Variants in ANAPC4 observed in about 807,000 individuals in gnomAD.
The protein encoded by ANAPC4 is anaphase-promoting complex subunit 4.
ANAPC4 carries 63 observed loss-of-function variants against 119.8 expected under a neutral mutation model. That is an observed-to-expected ratio of 0.53 (90% CI 0.43 to 0.65). ANAPC4 has a LOEUF of 0.65. Ranked by LOEUF, ANAPC4 falls within the 30% of genes least tolerant of loss-of-function variation. The probability of loss-of-function intolerance (pLI) is 0.00; values close to 1 mark genes in which losing one functional copy is unlikely to be tolerated. For synonymous variants in ANAPC4, 283 were observed against 318.6 expected, an observed-to-expected ratio of 0.89 and a Z score of 1.19; for missense variants, 716 against 945.1, an observed-to-expected ratio of 0.76 and a Z score of 3.18.
chr4:25,413,125 T>TAA (rs34186805), intron 21 of ANAPC4: 61,425 of 150,298 alleles, frequency 0.41, 14,464 homozygotes, highest in Non-Finnish European at 0.53. Context: ...TTGTAAGCAA[T>TAA]AAAAAAAAAG....
chr4:25,413,550 C>T (rs1723694484), intron 21 of ANAPC4, 95 bp from the exon 22 acceptor site: 1 of 748,272 alleles, frequency 1.3e-6, no homozygotes, highest in East Asian at 3.5e-5. Context: ...TCGAGATAAA[C>T]TGTGCAGACT....
In ANAPC4 at chr4:25,383,279, C is replaced by T. The variant is rs374830999; in HGVS notation, c.254C>T (p.Ala85Val). The T allele has an allele frequency of 1.3e-5, 21 of 1,607,950 alleles. No individual in the cohort carries two copies. Among genetic ancestry groups the T allele is most frequent in the Non-Finnish European group, 1.6e-5 (19 of 1,177,986 alleles). ...PDGKLLAFAL[A>V]DTKKIVLCDV... ...GTTTTAGTTTTGGCCTTTGCTCTTG[C>T]TGATACCAAGAAAATTGTTTTGTGT... Residue 85 changes from alanine (A) to valine (V), a missense_variant, in exon 4 of 29, where the codon GCT (alanine) becomes GTT (valine). Coordinates refer to ENST00000315368, the MANE Select transcript of ANAPC4 (RefSeq NM_013367.3).
At position 25,413,632 on chromosome 4, in the gene ANAPC4, T is replaced by G; in HGVS notation, c.1526-13T>G. The G allele has an allele frequency of 6.3e-7, 1 of 1,589,484 alleles. No individual in the cohort carries two copies. Among genetic ancestry groups the G allele is most frequent in the Non-Finnish European group, 8.6e-7 (1 of 1,166,096 alleles). On this transcript the variant is annotated splice_polypyrimidine_tract_variant and intron_variant, in intron 21 of 28. Transcript: ENST00000315368. ...CTTCTTTTATTTTTGTTTCTGTTTT[T>G]GTTTGAAACCAGAAAGTCCTTTGCT...
At chr4:25,413,541 C>A in intron 21 of ANAPC4, 104 bp from the exon 22 acceptor site, 1 of 762,450 alleles carries the variant, frequency 1.3e-6, no homozygotes, top group Admixed American at 3.1e-5. Flanking sequence ...AATTCTACCT[C>A]GAGATAAACT....
chr4:25,400,493 T>TG (rs1452416865), intron 16 of ANAPC4, among the ~76,000 whole-genome samples: 1 of 152,014 alleles, frequency 6.6e-6, no homozygotes, highest in Non-Finnish European at 1.5e-5. Flanking sequence ...GAGGCGGTGT[T>TG]GGAGGTTTAA....
Position 25,416,472 on chromosome 4 carries a change from C to T in ANAPC4, c.1949C>T (p.Thr650Ile), listed in dbSNP as rs1723883266. The T allele has an allele frequency of 6.3e-7, 1 of 1,595,138 alleles. No homozygotes were observed. Among genetic ancestry groups the T allele is most frequent in the East Asian group, 2.2e-5 (1 of 44,630 alleles). Residue 650 changes from threonine (T) to isoleucine (I), a missense_variant, in exon 27 of 29, where the codon ACA becomes ATA. By Grantham distance (89) the Thr-to-Ile change is moderately conservative. This residue lies in a region of ANAPC4 where 504 missense variants were observed against 615.8 expected (regional missense o/e 0.82). Transcript: ENST00000315368. ...CAGTTTTATGATGATGAAACTGTAA[C>T]AGTAGTTCTTAAAGACACTGTAGGA... ...DAQFYDDETV[T>I]VVLKDTVGRE...
intron 9 of ANAPC4, among the ~76,000 whole-genome samples, chr4:25,391,467 A>G (rs1722342314): frequency 6.6e-6 from 1 of 152,350 alleles, no homozygotes; most frequent in East Asian, 1.9e-4. Context: ...AATACTTCAG[A>G]ACTTGCTTGA....
At chr4:25,409,844 G>A (rs1250142499) in intron 21 of ANAPC4, 53 bp downstream of exon 21, 2 of 1,263,676 alleles carry the variant, frequency 1.6e-6, no homozygotes, top group African/African-American at 1.5e-5. Context: ...TTTAAGACTA[G>A]GTCTTGAATA....
Position 25,407,258 on chromosome 4 carries a change from G to A in ANAPC4, c.1431+5G>A. 6.2e-7 allele frequency: 1 copy of A among 1,604,492 alleles called. No individual in the cohort carries two copies. The highest frequency in any genetic ancestry group is 8.5e-7 in the Non-Finnish European group (1 of 1,176,556). On this transcript the variant is annotated splice_donor_5th_base_variant and intron_variant, in intron 20 of 28. Coordinates refer to ENST00000315368, the MANE Select transcript of ANAPC4 (RefSeq NM_013367.3). Reference sequence around the variant, plus strand: ...AACGTTGAAAGAGTTGGTCAGGTATGGGCTTTGAACTCATTTTAAAACCTT... The same window carrying A: ...AACGTTGAAAGAGTTGGTCAGGTATAGGCTTTGAACTCATTTTAAAACCTT...
chr4:25,378,993 G>T (rs1291394043), intron 2 of ANAPC4, among the ~76,000 whole-genome samples: 1 of 152,180 alleles, frequency 6.6e-6, no homozygotes, highest in African/African-American at 2.4e-5. Context: ...GGAAGTGAAG[G>T]CATGTGTGGG....
Position 25,405,664 on chromosome 4 carries a change from T to C in ANAPC4, c.1317+45T>C, listed in dbSNP as rs1177673375. On this transcript the variant is annotated intron_variant, in intron 18 of 28. Coordinates refer to ENST00000315368, the MANE Select transcript of ANAPC4 (RefSeq NM_013367.3). This position sits in a 1 kb window ranked among gnomAD's most constrained non-coding sequence, Gnocchi z 4.6. ...TTTCACAGTGTTCACATTGTCCTGC[T>C]TGAACTCAGCTGTGCTGGTCATTTT... The C allele has an allele frequency of 6.3e-7, 1 of 1,589,224 alleles. No individual in the cohort carries two copies. The highest frequency in any genetic ancestry group is 1.7e-5 in the Admixed American group (1 of 59,784).
chr4:25,390,329 GA>G, intron 8 of ANAPC4, 109 bp downstream of exon 8: 1 of 696,888 alleles, frequency 1.4e-6, no homozygotes, highest in Non-Finnish European at 2.3e-6. Context: ...TCGATTTTTG[GA>G]ATTATTCTTA....
intron 4 of ANAPC4, among the ~76,000 whole-genome samples, chr4:25,388,028 C>A (rs1045198303): frequency 6.6e-6 from 1 of 152,056 alleles, no homozygotes. Flanking sequence ...ACTCAGGAGG[C>A]TGGGGCAGGA....
rs367635861 is a variant in ANAPC4 at position 25,383,280 on chromosome 4, T to C, written c.255T>C (p.Ala85=). ...PDGKLLAFAL[A]DTKKIVLCDV... The stretch of plus-strand genomic sequence containing the variant: ...TTTTAGTTTTGGCCTTTGCTCTTGC[T>C]GATACCAAGAAAATTGTTTTGTGTG... The change falls in exon 4 of 29, where the codon GCT becomes GCC. Residue 85 remains alanine (A), a synonymous_variant. Coordinates refer to ENST00000315368, the MANE Select transcript of ANAPC4 (RefSeq NM_013367.3). 26 of 1,608,982 alleles carry C rather than the reference T, an allele frequency of 1.6e-5. No individual in the cohort carries two copies. Among genetic ancestry groups the C allele is most frequent in the African/African-American group, 2.7e-5 (2 of 74,692 alleles).
Position 25,381,315 on chromosome 4 carries a change from T to C in ANAPC4, c.235+836T>C, listed in dbSNP as rs936929944. Among the ~76,000 whole-genome samples the C allele has an allele frequency of 2.0e-5, 3 of 152,220 alleles. No individual in the cohort carries two copies. The East Asian group carries it at 5.8e-4, about 29-fold the overall frequency. The stretch of plus-strand genomic sequence containing the variant: ...TTTTTCTTTTCCCCCCCAGACAGTG[T>C]CTCACTCTTGTCGCCCAGGCTGGAG... On this transcript the variant is annotated intron_variant, in intron 3 of 28. Transcript: ENST00000315368.
chr4:25,411,949 T>C (rs1723589967), intron 21 of ANAPC4, among the ~76,000 whole-genome samples: 1 of 152,246 alleles, frequency 6.6e-6, no homozygotes, highest in Middle Eastern at 3.4e-3. Flanking sequence ...AAGGATGCAG[T>C]CCCACAAGAC....
intron 16 of ANAPC4, among the ~76,000 whole-genome samples, chr4:25,397,427 C>T (rs1222362789): frequency 6.6e-6 from 1 of 152,180 alleles, no homozygotes; most frequent in Non-Finnish European, 1.5e-5. Context: ...TCCTGCACGG[C>T]TACCACCCGG....
chr4:25,405,304 A>C lies in ANAPC4; in HGVS notation c.1271-269A>C, dbSNP rs2109135936. 6.6e-6 allele frequency among the ~76,000 whole-genome samples: 1 copy of C among 152,220 alleles called. No individual in the cohort carries two copies. The highest frequency in any genetic ancestry group is 2.1e-4 in the South Asian group (1 of 4,816). On this transcript the variant is annotated intron_variant, in intron 17 of 28. Transcript: ENST00000315368. This position sits in a 1 kb window ranked among gnomAD's most constrained non-coding sequence, Gnocchi z 4.6. ...CGTAGTCTTAGCACAGACAGCAGTT[A>C]GATTTGTCTGGCGTGGCAACAGGTG... is the stretch of plus-strand genomic sequence containing the variant.
Position 25,418,374 on chromosome 4 carries a change from G to C in ANAPC4, c.2419G>C (p.Asp807His), listed in dbSNP as rs1418303797. The change falls in exon 29 of 29, where the codon GAC becomes CAC. Residue 807 changes from aspartate (D) to histidine (H), a missense_variant. By Grantham distance (81) the Asp-to-His change is moderately conservative (BLOSUM62 -1). Transcript: ENST00000315368. Reference protein sequence around the residue: ...IKVEKLDPELDS With the variant: ...IKVEKLDPELHS ...AGTGGAAAAACTTGACCCTGAGCTA[G>C]ACTCCTAATCTAGCTTGCCATTATT... 3.1e-6 allele frequency: 5 copies of C among 1,613,922 alleles called. No individual in the cohort carries two copies. The highest frequency in any genetic ancestry group is 4.2e-6 in the Non-Finnish European group (5 of 1,179,906).
Sources: gnomAD v4.1 joint callset for allele counts (sites outside exome capture counted in the v4.1 genomes callset) on GRCh38, gnomAD v4.1.1 for gene constraint, gnomAD v4.1.1 regional missense constraint, Gnocchi (gnomAD v3.1) non-coding constraint, MANE v1.5 for transcripts, NCBI Gene and HGNC (gene_info 2026-07-23, HGNC 2026-07-21) for gene names.